Variants in GOPC observed in about 807,000 individuals in gnomAD.
The protein encoded by GOPC is Golgi-associated PDZ and coiled-coil motif-containing protein.
Under a neutral mutation model 51.2 loss-of-function variants are expected in GOPC, and 32 were observed. The observed-to-expected ratio is 0.63, with a 90% CI of 0.47 to 0.84. The LOEUF is 0.84. Ranked by LOEUF, GOPC falls within the 40% of genes least tolerant of loss-of-function variation. The pLI is 0.00. For missense variants in GOPC, 441 were observed against 555.5 expected, an observed-to-expected ratio of 0.79 and a Z score of 2.07; for synonymous variants, 190 against 205.1, an observed-to-expected ratio of 0.93 and a Z score of 0.63.
At chr6:117,594,766 C>T (rs1780169312) in intron 1 of GOPC, among the ~76,000 whole-genome samples, 1 of 152,104 alleles carries the variant, frequency 6.6e-6, no homozygotes, top group South Asian at 2.1e-4. Context: ...TAATAAATCA[C>T]TTCAAAGAGA....
intron 1 of GOPC, among the ~76,000 whole-genome samples, chr6:117,595,623 T>C (rs533578912): frequency 6.6e-6 from 1 of 152,298 alleles, no homozygotes; most frequent in South Asian, 2.1e-4. Flanking sequence ...TTAGCTCCCA[T>C]GTATGAGTGA....
intron 7 of GOPC, 67 bp downstream of exon 7, chr6:117,569,505 T>A: frequency 6.4e-7 from 1 of 1,568,368 alleles, no homozygotes; most frequent in Non-Finnish European, 8.6e-7. Flanking sequence ...CGTAGGGAAG[T>A]ATACAGTGTT....
chr6:117,576,315 G>GT (rs1270837545), intron 3 of GOPC, among the ~76,000 whole-genome samples: 1 of 151,884 alleles, frequency 6.6e-6, no homozygotes, highest in Non-Finnish European at 1.5e-5. Flanking sequence ...AGATTAGAAC[G>GT]TAATTTCTAG....
At chr6:117,579,423 G>A (rs1779927511) in intron 1 of GOPC, among the ~76,000 whole-genome samples, 1 of 152,086 alleles carries the variant, frequency 6.6e-6, no homozygotes, top group Admixed American at 6.6e-5. Flanking sequence ...GACAATGTGT[G>A]CTGTGGTGGA....
In GOPC at chr6:117,562,741, ATTT is replaced by A. The variant is rs893268553; in HGVS notation, c.*510_*512del. Reference sequence around the variant, plus strand: ...GTTTAGATTTTAGGATGCACAATAAATTTTTTTAAGTCTAAAGCCTTTCAGTTA... The same window carrying A: ...GTTTAGATTTTAGGATGCACAATAAATTTTAAGTCTAAAGCCTTTCAGTTA... On this transcript the variant is annotated 3_prime_UTR_variant, in exon 9 of 9. Transcript: ENST00000368498. The A allele has an allele frequency of 4.8e-5, 10 of 207,294 alleles. No individual in the cohort carries two copies. The highest frequency in any genetic ancestry group is 2.3e-4 in the African/African-American group (10 of 43,904). 12.8% of individuals were successfully genotyped at this position (207,294 alleles called of 1,614,324 possible). A position where few individuals can be genotyped will look rare whatever the true frequency, so the allele number is the denominator to read the frequency against.
intron 4 of GOPC, among the ~76,000 whole-genome samples, chr6:117,573,893 T>A (rs1165222971): frequency 2.6e-5 from 4 of 152,270 alleles, no homozygotes; most frequent in African/African-American, 9.6e-5. Flanking sequence ...TTAATTCAAA[T>A]AAATCTAAAA....
chr6:117,563,207 A>G lies in GOPC; in HGVS notation c.*47T>C. On this transcript the variant is annotated 3_prime_UTR_variant, in exon 9 of 9. Coordinates refer to ENST00000368498, the MANE Select transcript of GOPC (RefSeq NM_020399.4). Reference sequence around the variant, plus strand: ...TGTCACCATCTTCCCCAGTGCCCCAAATTCAGAATAGTCTGATTAACAATC... The same window carrying G: ...TGTCACCATCTTCCCCAGTGCCCCAGATTCAGAATAGTCTGATTAACAATC... 6.4e-7 allele frequency: 1 copy of G among 1,573,596 alleles called. No individual in the cohort carries two copies. The highest frequency in any genetic ancestry group is 8.7e-7 in the Non-Finnish European group (1 of 1,149,854).
intron 4 of GOPC, among the ~76,000 whole-genome samples, chr6:117,574,259 TA>T (rs879696961): frequency 3.3e-3 from 456 of 140,038 alleles, no homozygotes; most frequent in African/African-American, 4.1e-3. Context: ...TCACAAAATT[TA>T]AAAAAAAAAA....
At chr6:117,595,693 A>G (rs796266464) in intron 1 of GOPC, among the ~76,000 whole-genome samples, 10 of 152,288 alleles carry the variant, frequency 6.6e-5, no homozygotes, top group African/African-American at 2.4e-4. Flanking sequence ...TCTCCAATCA[A>G]TTCCACCCAG....
intron 3 of GOPC, among the ~76,000 whole-genome samples, chr6:117,576,958 G>GA (rs1779891290): frequency 1.3e-5 from 2 of 152,054 alleles, no homozygotes; most frequent in Admixed American, 1.3e-4. Flanking sequence ...AATAACTTCT[G>GA]CTAAAGCATT....
Position 117,578,884 on chromosome 6 carries a change from TC to T in GOPC, c.450+15del. On this transcript the variant is annotated intron_variant, in intron 2 of 8. Transcript: ENST00000368498. Reference sequence around the variant, plus strand: ...TAAAATACATGCAAGGGCATGTCACTCTCTAAACTACTTACCAATTTTGCCT... The same window carrying T: ...TAAAATACATGCAAGGGCATGTCACTTCTAAACTACTTACCAATTTTGCCT... 6.5e-7 allele frequency: 1 copy of T among 1,542,562 alleles called. No homozygotes were observed. Among genetic ancestry groups the T allele is most frequent in the African/African-American group, 1.4e-5 (1 of 72,576 alleles).
At chr6:117,597,978 C>A (rs1320269620) in intron 1 of GOPC, among the ~76,000 whole-genome samples, 2 of 151,672 alleles carry the variant, frequency 1.3e-5, no homozygotes, top group Admixed American at 1.3e-4. Context: ...TTGAAGACCA[C>A]ATGGATGAGC....
intron 4 of GOPC, 120 bp from the exon 5 acceptor site, chr6:117,573,752 C>G: frequency 2.7e-6 from 2 of 728,870 alleles, no homozygotes; most frequent in Non-Finnish European, 4.4e-6. Flanking sequence ...AAAACTAATA[C>G]TCACGAACTT....
intron 1 of GOPC, among the ~76,000 whole-genome samples, chr6:117,590,346 G>A (rs1780098046): frequency 6.6e-6 from 1 of 152,072 alleles, no homozygotes; most frequent in Non-Finnish European, 1.5e-5. Context: ...CAAGGCGGGT[G>A]GATTGCTTGA....
intron 1 of GOPC, among the ~76,000 whole-genome samples, chr6:117,579,328 C>G (rs998138209): frequency 5.9e-5 from 9 of 152,188 alleles, no homozygotes; most frequent in Admixed American, 2.0e-4. Flanking sequence ...ACTTTGCTTA[C>G]TTTAAGAAAC....
At chr6:117,583,180 G>A (rs1039128958) in intron 1 of GOPC, among the ~76,000 whole-genome samples, 1 of 152,188 alleles carries the variant, frequency 6.6e-6, no homozygotes, top group Admixed American at 6.5e-5. Flanking sequence ...TCCTGCCAGT[G>A]CCAAAGCAGC....
intron 1 of GOPC, among the ~76,000 whole-genome samples, chr6:117,584,235 C>G (rs969451924): frequency 2.0e-5 from 3 of 152,176 alleles, no homozygotes; most frequent in African/African-American, 7.2e-5. Context: ...AACAAGCAAT[C>G]AATTTTGCAG....
Position 117,575,307 on chromosome 6 carries a change from G to A in GOPC, c.520C>T (p.Gln174Ter). Residue 174 changes from glutamine to a stop codon, truncating the protein, a stop_gained, in exon 4 of 9, where the codon CAA becomes TAA. Coordinates refer to ENST00000368498, the MANE Select transcript of GOPC (RefSeq NM_020399.4). LOFTEE classifies it high-confidence loss of function. ...ANKKEKMKEAQLEAEVKLLRK... is the reference protein window; with the variant it reads ...ANKKEKMKEA ...AACAATTTCACTTCAGCTTCAAGTT[G>A]TGCTTCTTTCATTTTTTCTTTTTTG... 1 of 1,612,760 alleles carries A rather than the reference G, an allele frequency of 6.2e-7. No individual in the cohort carries two copies. Among genetic ancestry groups the A allele is most frequent in the Non-Finnish European group, 8.5e-7 (1 of 1,179,512 alleles).
intron 7 of GOPC, among the ~76,000 whole-genome samples, chr6:117,568,058 C>T (rs1205059584): frequency 2.0e-5 from 3 of 150,084 alleles, no homozygotes; most frequent in Admixed American, 2.0e-4. Context: ...AATTAGCTGG[C>T]CATGGTGGCA....
Sources: gnomAD v4.1 joint callset for allele counts (sites outside exome capture counted in the v4.1 genomes callset) on GRCh38, gnomAD v4.1.1 for gene constraint, MANE v1.5 for transcripts, NCBI Gene and HGNC (gene_info 2026-07-23, HGNC 2026-07-21) for gene names.